PATJ: variants seen among roughly 807,000 people sequenced by gnomAD.
The protein encoded by PATJ is inaD-like protein.
Under a neutral mutation model 224.9 loss-of-function variants are expected in PATJ, and 190 were observed. That is an observed-to-expected ratio of 0.84 (90% CI 0.75 to 0.95). The LOEUF (loss-of-function observed/expected upper bound fraction) is 0.95, where lower values mean the gene tolerates loss of function less well. Ranked by LOEUF, PATJ falls within the 40% of genes least tolerant of loss-of-function variation. The pLI is 0.00. For synonymous variants in PATJ, 769 were observed against 820.3 expected, an observed-to-expected ratio of 0.94 and a Z score of 1.07; for missense variants, 2,121 against 2,270.3, an observed-to-expected ratio of 0.93 and a Z score of 1.34.
At chr1:61,915,437 C>A (rs1269135893) in intron 26 of PATJ, among the ~76,000 whole-genome samples, 1 of 152,028 alleles carries the variant, frequency 6.6e-6, no homozygotes, top group Non-Finnish European at 1.5e-5. Context: ...AGAGCACTTT[C>A]TTTTATATGT....
intron 17 of PATJ, among the ~76,000 whole-genome samples, chr1:61,850,191 C>T (rs1252816818): frequency 6.6e-6 from 1 of 152,164 alleles, no homozygotes; most frequent in South Asian, 2.1e-4. Context: ...TCCGCTGAAC[C>T]ACCTCTCCGC....
At chr1:61,978,267 CTTCT>C (rs1359583440) in intron 27 of PATJ, among the ~76,000 whole-genome samples, 2 of 111,798 alleles carry the variant, frequency 1.8e-5, no homozygotes, top group Non-Finnish European at 3.6e-5. Context: ...TTTATTCTTT[CTTCT>C]TTCTTTTTTT....
intron 27 of PATJ, among the ~76,000 whole-genome samples, chr1:61,947,241 T>G (rs1477009160): frequency 6.6e-6 from 1 of 152,104 alleles, no homozygotes; most frequent in Non-Finnish European, 1.5e-5. Context: ...GAGAAAGAAA[T>G]AAAGCATATT....
At chr1:61,795,997 A>G (rs908251959) in intron 10 of PATJ, among the ~76,000 whole-genome samples, 1 of 152,234 alleles carries the variant, frequency 6.6e-6, no homozygotes, top group Non-Finnish European at 1.5e-5. Context: ...ATTTAAGAAT[A>G]TAATATCACC....
chr1:62,014,092 G>C (rs1036592154), intron 28 of PATJ, among the ~76,000 whole-genome samples: 1 of 151,878 alleles, frequency 6.6e-6, no homozygotes, highest in Non-Finnish European at 1.5e-5. Flanking sequence ...TTCTCACTCT[G>C]TCAATCAGCC....
At chr1:61,790,207 G>GA (rs35646597) in intron 8 of PATJ, among the ~76,000 whole-genome samples, 64,258 of 113,828 alleles carry the variant, frequency 0.56, 16,525 homozygotes, top group Middle Eastern at 0.66. Context: ...CTGTCTCTGA[G>GA]AAAAAAAAAA....
At chr1:61,973,411 T>G (rs1242962159) in intron 27 of PATJ, among the ~76,000 whole-genome samples, 1 of 152,024 alleles carries the variant, frequency 6.6e-6, no homozygotes, top group Non-Finnish European at 1.5e-5. Flanking sequence ...CAGAGAGAAG[T>G]TCCACGCTAT....
In PATJ at chr1:61,915,840, G is replaced by A. The variant is rs140902006; in HGVS notation, c.3570+1176G>A. ...GCCTCCCAAGTTGCTGGGATTACAG[G>A]CATGTGCCACCATGCCCAGCTAATT... On this transcript the variant is annotated intron_variant, in intron 26 of 43. Coordinates refer to ENST00000642238, the MANE Select transcript of PATJ (RefSeq NM_001350145.3). 1.2e-3 allele frequency among the ~76,000 whole-genome samples: 188 copies of A among 151,988 alleles called. 1 individual carries two copies. Among genetic ancestry groups the A allele is most frequent in the African/African-American group, 4.2e-3 (173 of 41,470 alleles).
intron 17 of PATJ, among the ~76,000 whole-genome samples, chr1:61,850,924 G>A (rs1037756580): frequency 3.9e-5 from 6 of 152,206 alleles, no homozygotes; most frequent in Non-Finnish European, 2.9e-5. Flanking sequence ...ATTCCTATAT[G>A]ATGGGATGTG....
intron 17 of PATJ, among the ~76,000 whole-genome samples, chr1:61,847,443 A>T (rs1460043908): frequency 2.0e-5 from 3 of 152,164 alleles, no homozygotes; most frequent in Admixed American, 6.6e-5. Flanking sequence ...GGAAAAATCT[A>T]TTCTTACTGC....
intron 27 of PATJ, among the ~76,000 whole-genome samples, chr1:61,988,754 A>G (rs1360552): frequency 0.024 from 3,651 of 152,288 alleles, 90 homozygotes; most frequent in African/African-American, 0.055. Flanking sequence ...GTTTAAATTT[A>G]CCTACTCACT....
chr1:61,937,156 G>A (rs1677008474), intron 27 of PATJ, among the ~76,000 whole-genome samples: 1 of 152,126 alleles, frequency 6.6e-6, no homozygotes, highest in African/African-American at 2.4e-5. Context: ...AACATTTTAT[G>A]TAACATTTTT....
At chr1:61,890,858 A>G (rs1669510348) in intron 22 of PATJ, among the ~76,000 whole-genome samples, 1 of 152,152 alleles carries the variant, frequency 6.6e-6, no homozygotes, top group Non-Finnish European at 1.5e-5. Context: ...CTAAAAGTCA[A>G]TAAAGCTGGG....
chr1:61,840,622 T>C (rs1660932795), intron 17 of PATJ, among the ~76,000 whole-genome samples: 1 of 152,092 alleles, frequency 6.6e-6, no homozygotes, highest in South Asian at 2.1e-4. Flanking sequence ...TTTTAATGAC[T>C]ACATAGTATT....
intron 14 of PATJ, among the ~76,000 whole-genome samples, chr1:61,812,433 A>AGAGAGTGTGTGTGTGTGT (rs1397549346): frequency 4.7e-5 from 4 of 85,202 alleles, no homozygotes; most frequent in African/African-American, 1.8e-4. Context: ...AGAGAGAGAG[A>AGAGAGTGTGTGTGTGTGT]GTGTGTGTGT....
At chr1:61,957,319 G>T (rs1253876156) in intron 27 of PATJ, among the ~76,000 whole-genome samples, 1 of 152,118 alleles carries the variant, frequency 6.6e-6, no homozygotes, top group Admixed American at 6.5e-5. Context: ...ATGGTACAAT[G>T]ATATTATATA....
intron 19 of PATJ, 84 bp from the exon 20 acceptor site, chr1:61,864,154 C>A: frequency 8.4e-7 from 1 of 1,191,622 alleles, no homozygotes; most frequent in Non-Finnish European, 1.2e-6. Flanking sequence ...GTCACGCCAG[C>A]ATTTGAAAAT....
intron 30 of PATJ, among the ~76,000 whole-genome samples, chr1:62,045,181 A>G (rs993992931): frequency 6.6e-6 from 1 of 152,032 alleles, no homozygotes; most frequent in Non-Finnish European, 1.5e-5. Flanking sequence ...AGATCGTGCC[A>G]TTGCACTCCA....
chr1:61,947,885 G>C (rs1486098539), intron 27 of PATJ, among the ~76,000 whole-genome samples: 1 of 152,078 alleles, frequency 6.6e-6, no homozygotes, highest in East Asian at 1.9e-4. Context: ...CAATGGAATA[G>C]AAGCAGCCCT....
Sources: allele counts gnomAD v4.1 joint callset (sites outside exome capture counted in the v4.1 genomes callset), GRCh38; gene constraint gnomAD v4.1.1; transcripts MANE v1.5; gene names NCBI Gene and HGNC (gene_info 2026-07-23, HGNC 2026-07-21).